Variants in DNAH8 observed in about 807,000 individuals in gnomAD.
The protein encoded by DNAH8 is dynein axonemal heavy chain 8.
Under a neutral mutation model 562.1 loss-of-function variants are expected in DNAH8, and 382 were observed. That is an observed-to-expected ratio of 0.68 (90% CI 0.63 to 0.74). The LOEUF (loss-of-function observed/expected upper bound fraction) is 0.74. DNAH8 is among the 30% of genes least tolerant of loss of function. The pLI, the probability that DNAH8 is intolerant of heterozygous loss-of-function variation, is 0.00. For missense variants in DNAH8, 5,203 were observed against 5,620.4 expected, an observed-to-expected ratio of 0.93 and a Z score of 2.37; for synonymous variants, 1,881 against 1,919.4, an observed-to-expected ratio of 0.98 and a Z score of 0.52.
intron 83 of DNAH8, among the ~76,000 whole-genome samples, chr6:38,972,767 A>G (rs574512571): frequency 1.3e-5 from 2 of 152,328 alleles, no homozygotes; most frequent in South Asian, 4.1e-4. Flanking sequence ...CATGTTTAGC[A>G]TAAAGCTGGC....
chr6:38,760,205 G>A (rs1458420083), intron 10 of DNAH8, among the ~76,000 whole-genome samples: 1 of 152,016 alleles, frequency 6.6e-6, no homozygotes, highest in Non-Finnish European at 1.5e-5. Flanking sequence ...TGAACTTCCT[G>A]GATTTCTACA....
chr6:38,842,645 T>C lies in DNAH8; in HGVS notation c.4605-18T>C. The C allele has an allele frequency of 2.5e-6, 4 of 1,604,536 alleles. No homozygotes were observed. Among genetic ancestry groups the C allele is most frequent in the Non-Finnish European group, 3.4e-6 (4 of 1,176,990 alleles). Reference sequence around the variant, plus strand: ...AAATGTGAAGGTGGCATATTTTTTTTCTCTTTCTTTCTGAAAGATGTCGTA... The same window carrying C: ...AAATGTGAAGGTGGCATATTTTTTTCCTCTTTCTTTCTGAAAGATGTCGTA... On this transcript the variant is annotated intron_variant, in intron 34 of 92. Transcript: ENST00000327475.
intron 7 of DNAH8, among the ~76,000 whole-genome samples, chr6:38,741,446 C>T (rs972249257): frequency 6.9e-6 from 1 of 145,042 alleles, no homozygotes; most frequent in African/African-American, 2.5e-5. Context: ...AACCAAAAAA[C>T]TACCTCCCCC....
At chr6:38,801,636 C>G (rs990689982) in intron 21 of DNAH8, among the ~76,000 whole-genome samples, 18 of 152,152 alleles carry the variant, frequency 1.2e-4, no homozygotes, top group Admixed American at 7.9e-4. Flanking sequence ...CAGTGTTTAG[C>G]ACTGCATTGA....
intron 26 of DNAH8, among the ~76,000 whole-genome samples, chr6:38,816,566 A>G (rs1314280735): frequency 7.3e-6 from 1 of 137,518 alleles, no homozygotes; most frequent in Non-Finnish European, 1.5e-5. Flanking sequence ...GTATCCTTAT[A>G]ATAGAATGAT....
intron 10 of DNAH8, among the ~76,000 whole-genome samples, chr6:38,759,450 G>C (rs537776326): frequency 6.6e-6 from 1 of 152,252 alleles, no homozygotes; most frequent in South Asian, 2.1e-4. Flanking sequence ...AAAAAGCAAA[G>C]TATAGGCTTA....
chr6:38,938,982 A>T lies in DNAH8; in HGVS notation c.12001A>T (p.Ile4001Phe). 1 of 1,612,692 alleles carries T rather than the reference A, an allele frequency of 6.2e-7. No homozygotes were observed. Among genetic ancestry groups the T allele is most frequent in the Non-Finnish European group, 8.5e-7 (1 of 1,179,268 alleles). Residue 4001 changes from isoleucine to phenylalanine, a missense_variant, in exon 79 of 93, where the codon ATT becomes TTT. Transcript: ENST00000327475. The part of the protein sequence containing the change: ...TVKHREFQAL[I>F]KGGAALDLKA... Reference sequence around the variant, plus strand: ...TAAGCACAGAGAGTTTCAAGCTCTCATTAAAGGTAAAGTGTGTGGGATACA... The same window carrying T: ...TAAGCACAGAGAGTTTCAAGCTCTCTTTAAAGGTAAAGTGTGTGGGATACA...
chr6:38,953,845 T>TC lies in DNAH8; in HGVS notation c.12451+2325_12451+2326insC, dbSNP rs1260088450. ...TGGAAATCTTGAAATCCAATTACTT[T>TC]TTTTTTTTTTTTTAACAGTTGGGGG... On this transcript the variant is annotated intron_variant, in intron 82 of 92. Transcript: ENST00000327475. Among the ~76,000 whole-genome samples the TC allele has an allele frequency of 2.0e-5, 3 of 151,292 alleles. No homozygotes were observed. In the East Asian group the frequency reaches 5.8e-4, roughly 29 times the overall value.
chr6:38,987,293 C>T (rs1561946536), intron 87 of DNAH8, among the ~76,000 whole-genome samples: 1 of 152,206 alleles, frequency 6.6e-6, no homozygotes, highest in Non-Finnish European at 1.5e-5. Flanking sequence ...TCTGACCCCT[C>T]TCCTGCCTTT....
At chr6:38,813,966 T>G in intron 24 of DNAH8, 88 bp from the exon 25 acceptor site, 1 of 955,930 alleles carries the variant, frequency 1.0e-6, no homozygotes, top group Admixed American at 2.1e-5. Flanking sequence ...AAATGATCTT[T>G]ATTGTTCGGA....
At chr6:38,782,220 T>G (rs1768691780) in intron 16 of DNAH8, among the ~76,000 whole-genome samples, 1 of 152,038 alleles carries the variant, frequency 6.6e-6, no homozygotes, top group African/African-American at 2.4e-5. Flanking sequence ...GTTTGACATG[T>G]GAATCGAAAC....
At chr6:38,975,159 G>GT (rs1433549150) in intron 85 of DNAH8, among the ~76,000 whole-genome samples, 15 of 152,178 alleles carry the variant, frequency 9.9e-5, no homozygotes, top group African/African-American at 3.4e-4. Flanking sequence ...TACAGTCTTA[G>GT]TACTGACGCA....
At position 38,874,042 on chromosome 6, in the gene DNAH8, CTTTCTTTCTTTCTTTCTTTCTTTCTT is replaced by C. The variant is rs1166498364; in HGVS notation, c.7620+694_7620+719del. 1.9e-3 allele frequency among the ~76,000 whole-genome samples: 51 copies of C among 26,502 alleles called. 9 individuals are homozygous for C. The highest frequency in any genetic ancestry group is 1.8e-3 in the African/African-American group (10 of 5,648). The allele number at this position is 26,502 out of a possible 152,430, so 17.4% of individuals were successfully genotyped here. A position where few individuals can be genotyped will look rare whatever the true frequency, so the allele number is the denominator to read the frequency against. On this transcript the variant is annotated intron_variant, in intron 52 of 92. Transcript: ENST00000327475. ...TTTCTTTCCCTTTTTCTTTTCTTTT[CTTTCTTTCTTTCTTTCTTTCTTTCTT>C]TTTCTTTCTTTCTTTCTTTCTTTCT...
At chr6:39,000,256 C>A (rs996405968) in intron 88 of DNAH8, among the ~76,000 whole-genome samples, 5 of 152,250 alleles carry the variant, frequency 3.3e-5, no homozygotes, top group Middle Eastern at 3.4e-3. Context: ...ATGGTAAACT[C>A]TAAAATCAGG....
In DNAH8 at chr6:38,831,809, A is replaced by G. The variant is rs116678163; in HGVS notation, c.4189-513A>G. On this transcript the variant is annotated intron_variant, in intron 30 of 92. Transcript: ENST00000327475. ...ACAAAGATTAAAAGAGTTAACATAT[A>G]TAAAGAGCATGGCAGATAGCAAGCA... Among the ~76,000 whole-genome samples the G allele has an allele frequency of 3.0e-3, 457 of 152,346 alleles. 2 individuals are homozygous for G. Among genetic ancestry groups the G allele is most frequent in the African/African-American group, 0.01 (433 of 41,578 alleles).
rs1777196389 is a variant in DNAH8, at chr6:38,868,114, G to A, written c.6746G>A (p.Gly2249Glu). ...RNILSVLRTLGSQKRARPEDS... is the reference protein window; with the variant it reads ...RNILSVLRTLESQKRARPEDS... ...ATTCTGTCTGTATTGAGGACTCTTG[G>A]ATCTCAAAAAAGAGCCAGACCAGAA... Residue 2249 changes from glycine (G) to glutamate (E), a missense_variant, in exon 48 of 93, where the codon GGA becomes GAA. Physicochemically the swap from Gly to Glu is moderately conservative, Grantham distance 98. Transcript: ENST00000327475. The A allele has an allele frequency of 3.1e-6, 5 of 1,613,704 alleles. No individual in the cohort carries two copies. The highest frequency in any genetic ancestry group is 4.2e-6 in the Non-Finnish European group (5 of 1,179,790).
chr6:38,801,145 GC>G (rs1431998273), intron 21 of DNAH8, among the ~76,000 whole-genome samples: 2 of 152,018 alleles, frequency 1.3e-5, no homozygotes, highest in Non-Finnish European at 2.9e-5. Flanking sequence ...GAAGATTTAT[GC>G]CTATATTTTC....
At chr6:38,786,436 G>A (rs770821155) in intron 17 of DNAH8, among the ~76,000 whole-genome samples, 2 of 152,060 alleles carry the variant, frequency 1.3e-5, no homozygotes, top group African/African-American at 4.8e-5. Flanking sequence ...CTTTCTCAGG[G>A]GTGAAGTCAT....
chr6:38,836,756 G>T (rs532050199), intron 32 of DNAH8, among the ~76,000 whole-genome samples: 12 of 152,188 alleles, frequency 7.9e-5, no homozygotes, highest in African/African-American at 2.6e-4. Flanking sequence ...ATTGGGCCTT[G>T]GGTCCTGATG....
Sources: gnomAD v4.1 joint callset for allele counts (sites outside exome capture counted in the v4.1 genomes callset) on GRCh38, gnomAD v4.1.1 for gene constraint, MANE v1.5 for transcripts, NCBI Gene and HGNC (gene_info 2026-07-23, HGNC 2026-07-21) for gene names.